Variants in RAD50 observed in about 807,000 individuals in gnomAD.
RAD50 encodes the protein DNA repair protein RAD50.
A neutral mutation model predicts 168.8 loss-of-function variants in RAD50; 132 were observed. The ratio of observed to expected loss-of-function variants is 0.78; its 90% CI spans 0.68 to 0.90. The LOEUF is 0.90. RAD50 is among the 40% of genes least tolerant of loss of function. RAD50 has a pLI of 0.00. For synonymous variants in RAD50, 525 were observed against 497.4 expected (o/e 1.06, Z -0.74); for missense variants, 1,347 against 1,534.4 (o/e 0.88, Z 2.04).
intron 24 of RAD50, chr5:132,641,851 G>A (rs1163865109): frequency 3.5e-6 from 1 of 287,338 alleles, no homozygotes; most frequent in African/African-American, 2.2e-5. Flanking sequence ...TGAACAGTTT[G>A]GATATTAAGG....
intron 11 of RAD50, chr5:132,592,617 G>A (rs1033491566): frequency 1.5e-5 from 4 of 261,564 alleles, no homozygotes; most frequent in East Asian, 1.7e-4. Flanking sequence ...ACCTTTCTTC[G>A]GCCCTCCAGA....
intron 17 of RAD50, 74 bp downstream of exon 17, chr5:132,608,799 T>G: frequency 6.6e-7 from 1 of 1,505,176 alleles, no homozygotes; most frequent in Non-Finnish European, 8.9e-7. Context: ...CGTCGGACAC[T>G]TATTTCACAT....
At position 132,604,902 on chromosome 5, in the gene RAD50, A is replaced by G. The variant is rs2149847775; in HGVS notation, c.2621A>G (p.Lys874Arg). ...ACAACAAATGAGCTAAAATCTGAGA[A>G]ACTTCAGATATCCACTAATTTGCAA... The part of the protein sequence containing the change: ...KSTTNELKSE[K>R]LQISTNLQRR... The change falls in exon 16 of 25, where the codon AAA (lysine) becomes AGA (arginine). Residue 874 changes from lysine (K) to arginine (R), a missense_variant. Transcript: ENST00000378823. 1 of 1,613,254 alleles carries G rather than the reference A, an allele frequency of 6.2e-7. No homozygotes were observed. Among genetic ancestry groups the G allele is most frequent in the South Asian group, 1.1e-5 (1 of 91,060 alleles).
At chr5:132,623,207 G>A (rs1477967512) in intron 21 of RAD50, among the ~76,000 whole-genome samples, 4 of 152,250 alleles carry the variant, frequency 2.6e-5, no homozygotes, top group South Asian at 2.1e-4. Context: ...GGCTGGGCAC[G>A]GTGGCTCATG....
chr5:132,587,578 T>C lies in RAD50; in HGVS notation c.773T>C (p.Ile258Thr), dbSNP rs1750614386. Residue 258 changes from isoleucine (I) to threonine (T), a missense_variant, in exon 6 of 25, where the codon ATT (isoleucine) becomes ACT (threonine). Coordinates refer to ENST00000378823, the MANE Select transcript of RAD50 (RefSeq NM_005732.4). ...LDPLKNRLKEIEHNLSKIMKL... is the reference protein window; with the variant it reads ...LDPLKNRLKETEHNLSKIMKL... The stretch of plus-strand genomic sequence containing the variant: ...TATTTTCAGAATCGTCTAAAAGAAA[T>C]TGAACATAATCTCTCTAAAATAATG... The C allele has an allele frequency of 6.2e-7, 1 of 1,612,930 alleles. No homozygotes were observed. The highest frequency in any genetic ancestry group is 1.1e-5 in the South Asian group (1 of 90,842).
intron 6 of RAD50, 76 bp downstream of exon 6, chr5:132,587,766 C>G: frequency 6.3e-7 from 1 of 1,595,266 alleles, no homozygotes. Context: ...ATCCATTTTG[C>G]CATCCACATT....
chr5:132,627,840 A>G (rs1282117510), intron 21 of RAD50, among the ~76,000 whole-genome samples: 1 of 152,156 alleles, frequency 6.6e-6, no homozygotes, highest in African/African-American at 2.4e-5. Context: ...GCAGAGACTG[A>G]TGAGGAGACT....
At chr5:132,573,101 T>C (rs1561633405) in intron 2 of RAD50, among the ~76,000 whole-genome samples, 1 of 152,234 alleles carries the variant, frequency 6.6e-6, no homozygotes, top group Non-Finnish European at 1.5e-5. Flanking sequence ...TTTTTGTTGT[T>C]GAAAATGTCC....
chr5:132,613,827 C>T (rs1262591348), intron 19 of RAD50, among the ~76,000 whole-genome samples: 1 of 151,956 alleles, frequency 6.6e-6, no homozygotes, highest in African/African-American at 2.4e-5. Flanking sequence ...GAACTCCTGA[C>T]CTCAAGTAAT....
chr5:132,593,223 A>C, intron 11 of RAD50: 1 of 177,166 alleles, frequency 5.6e-6, no homozygotes. Context: ...TTCACCATAA[A>C]TTTGATACTT....
Position 132,606,385 on chromosome 5 carries a change from C to T in RAD50, c.2718+1386C>T, listed in dbSNP as rs190783759. ...CTAGAAAATAATAAATGGATAAATT[C>T]GTGGATACATACACCCTCCCAAGTC... On this transcript the variant is annotated intron_variant, in intron 16 of 24. Coordinates refer to ENST00000378823, the MANE Select transcript of RAD50 (RefSeq NM_005732.4). Among the ~76,000 whole-genome samples, 274 of 152,234 alleles carry T rather than the reference C, an allele frequency of 1.8e-3. 1 individual carries two copies. Among genetic ancestry groups the T allele is most frequent in the African/African-American group, 6.2e-3 (258 of 41,550 alleles).
intron 13 of RAD50, among the ~76,000 whole-genome samples, chr5:132,600,540 G>A (rs1201465409): frequency 6.6e-6 from 1 of 152,100 alleles, no homozygotes; most frequent in Non-Finnish European, 1.5e-5. Flanking sequence ...CCTCAAATTC[G>A]CCAGTATCTA....
rs758026288 is a variant in RAD50 at position 132,640,713 on chromosome 5, G to A, written c.3660G>A (p.Thr1220=). Residue 1220 remains threonine, a synonymous_variant, in exon 24 of 25, where the codon ACG becomes ACA. Transcript: ENST00000378823. The part of the protein sequence containing the change: ...SLIIRLALAE[T]FCLNCGIIAL... ...TCATTCGCCTGGCCCTGGCTGAAAC[G>A]TTCTGCCTCAACTGTGGCATCATTG... 26 of 1,614,054 alleles carry A rather than the reference G, an allele frequency of 1.6e-5. No homozygotes were observed. The highest frequency in any genetic ancestry group is 1.6e-4 in the Middle Eastern group (1 of 6,084).
intron 1 of RAD50, 72 bp downstream of exon 1, chr5:132,557,525 A>T (rs1293517316): frequency 1.3e-6 from 2 of 1,593,478 alleles, no homozygotes; most frequent in Non-Finnish European, 8.6e-7. Flanking sequence ...GAAGTTGAGA[A>T]CTCTCCTTAG....
At chr5:132,612,769 A>G (rs1177724612) in intron 19 of RAD50, among the ~76,000 whole-genome samples, 1 of 152,088 alleles carries the variant, frequency 6.6e-6, no homozygotes, top group Non-Finnish European at 1.5e-5. Flanking sequence ...TCAAGGCTGC[A>G]GTGAGCCCTT....
At chr5:132,604,769 C>A in intron 15 of RAD50, 37 bp from the exon 16 acceptor site, 1 of 1,479,506 alleles carries the variant, frequency 6.8e-7, no homozygotes, top group South Asian at 1.2e-5. Context: ...TTTCTATGCC[C>A]TTACATTAAT....
intron 2 of RAD50, 62 bp downstream of exon 2, chr5:132,559,429 G>C (rs2149831369): frequency 6.6e-7 from 1 of 1,515,898 alleles, no homozygotes; most frequent in South Asian, 1.2e-5. Flanking sequence ...GCTTATTATA[G>C]AAAACTTGGC....
intron 21 of RAD50, among the ~76,000 whole-genome samples, chr5:132,619,849 TATAAAGATATATATATATAAAG>T (rs1318311004): frequency 8.0e-6 from 1 of 124,424 alleles, no homozygotes; most frequent in African/African-American, 3.0e-5. Flanking sequence ...TATATATATA[TATAAAGATATATATATATAAAG>T]ATATATATAT....
At chr5:132,619,836 C>CTCTCTA (rs1257882764) in intron 21 of RAD50, among the ~76,000 whole-genome samples, 11 of 114,410 alleles carry the variant, frequency 9.6e-5, no homozygotes, top group African/African-American at 4.3e-4. Context: ...CTCTCTCTCT[C>CTCTCTA]TATATATATA....
Sources: gnomAD v4.1 joint callset for allele counts (sites outside exome capture counted in the v4.1 genomes callset) on GRCh38, gnomAD v4.1.1 for gene constraint, MANE v1.5 for transcripts, NCBI Gene and HGNC (gene_info 2026-07-23, HGNC 2026-07-21) for gene names.